MAP3K13: variants seen among roughly 807,000 people sequenced by gnomAD.
The protein encoded by MAP3K13 is mitogen-activated protein kinase kinase kinase 13, also known as leucine zipper-bearing kinase.
In MAP3K13, 52 loss-of-function variants were observed where a neutral mutation model predicts 104.0. The observed-to-expected ratio is 0.50, with a 90% CI of 0.40 to 0.63. The LOEUF is 0.63. Ranked by LOEUF, MAP3K13 falls within the 20% of genes least tolerant of loss-of-function variation. The pLI is 0.00. For missense variants in MAP3K13, 914 were observed against 1,218.5 expected (o/e 0.75, Z 3.72); for synonymous variants, 394 against 442.2 (o/e 0.89, Z 1.37).
chr3:185,334,677 C>G (rs953598194), intron 2 of MAP3K13, among the ~76,000 whole-genome samples: 2 of 151,344 alleles, frequency 1.3e-5, no homozygotes, highest in African/African-American at 4.9e-5. Context: ...GTGGTGCCAT[C>G]TCGGCTCACT....
chr3:185,290,622 G>A (rs1227450677), intron 2 of MAP3K13, among the ~76,000 whole-genome samples: 5 of 152,224 alleles, frequency 3.3e-5, no homozygotes, highest in African/African-American at 9.6e-5. Flanking sequence ...TTTGAATCCT[G>A]TCTCTACTAT....
At chr3:185,324,805 A>G (rs1721992464) in intron 2 of MAP3K13, among the ~76,000 whole-genome samples, 1 of 77,178 alleles carries the variant, frequency 1.3e-5, no homozygotes, top group Admixed American at 1.3e-4. Context: ...GAACCGGCAC[A>G]ATTAAAAAAA....
intron 1 of MAP3K13, chr3:185,417,492 A>T: frequency 1.9e-6 from 3 of 1,585,296 alleles, no homozygotes; most frequent in Non-Finnish European, 2.6e-6. Flanking sequence ...CAAATTTAAG[A>T]GTTTATGCAG....
Position 185,485,752 on chromosome 3 carries a change from T to A in MAP3K13, c.*3296T>A, listed in dbSNP as rs1718687013. ...AAAAAAAACATAGTATATATAGGGTTTGGTACTATCAGAGTTTTTAGGCAT... is the reference window on the plus strand; with the variant it reads ...AAAAAAAACATAGTATATATAGGGTATGGTACTATCAGAGTTTTTAGGCAT... On this transcript the variant is annotated 3_prime_UTR_variant, in exon 14 of 14. Transcript: ENST00000265026. The A allele has an allele frequency of 6.6e-6, 1 of 152,160 alleles. No homozygotes were observed. Among genetic ancestry groups the A allele is most frequent in the East Asian group, 1.9e-4 (1 of 5,202 alleles). 9.4% of individuals were successfully genotyped at this position (152,160 alleles called of 1,614,324 possible). A position where few individuals can be genotyped will look rare whatever the true frequency, so the allele number is the denominator to read the frequency against.
At chr3:185,478,815 T>C (rs1485295070) in intron 12 of MAP3K13, among the ~76,000 whole-genome samples, 1 of 149,318 alleles carries the variant, frequency 6.7e-6, no homozygotes, top group Non-Finnish European at 1.5e-5. Context: ...CAGGTTGCAA[T>C]GAGGCGAGAT....
chr3:185,388,331 G>T (rs536601483), intron 1 of MAP3K13, among the ~76,000 whole-genome samples: 5 of 151,894 alleles, frequency 3.3e-5, no homozygotes, highest in African/African-American at 9.7e-5. Flanking sequence ...GCAAAATTTT[G>T]TCTCTACAAA....
intron 1 of MAP3K13, among the ~76,000 whole-genome samples, chr3:185,391,607 CATG>C (rs1712055969): frequency 6.6e-6 from 1 of 152,196 alleles, no homozygotes; most frequent in African/African-American, 2.4e-5. Context: ...TTCTAAAACT[CATG>C]ATATTACTTG....
chr3:185,300,046 A>C (rs1289698890), intron 2 of MAP3K13, among the ~76,000 whole-genome samples: 1 of 152,066 alleles, frequency 6.6e-6, no homozygotes, highest in Non-Finnish European at 1.5e-5. Context: ...TCTACTTCCC[A>C]TTTCTAAGAG....
intron 1 of MAP3K13, among the ~76,000 whole-genome samples, chr3:185,374,693 G>A (rs180695524): frequency 2.0e-5 from 3 of 151,928 alleles, no homozygotes; most frequent in East Asian, 3.9e-4. Flanking sequence ...TTTTAATGTC[G>A]TCATATACCA....
At chr3:185,467,923 T>A (rs1486368161) in intron 10 of MAP3K13, among the ~76,000 whole-genome samples, 2 of 151,684 alleles carry the variant, frequency 1.3e-5, no homozygotes, top group African/African-American at 4.8e-5. Context: ...AAACTTATAA[T>A]CATGGTGAAA....
chr3:185,388,031 A>C (rs1711798168), intron 1 of MAP3K13, among the ~76,000 whole-genome samples: 1 of 152,098 alleles, frequency 6.6e-6, no homozygotes. Flanking sequence ...TTTAAAAATC[A>C]GTGCACAAAA....
At chr3:185,356,559 C>T (rs891805023) in intron 2 of MAP3K13, among the ~76,000 whole-genome samples, 5 of 152,126 alleles carry the variant, frequency 3.3e-5, no homozygotes, top group Admixed American at 6.6e-5. Flanking sequence ...TGGATGGAGA[C>T]GACAGCCCTC....
rs116479172 is a variant in MAP3K13 at position 185,431,842 on chromosome 3, G to A, written c.475+2786G>A. Among the ~76,000 whole-genome samples the A allele has an allele frequency of 5.9e-3, 899 of 152,184 alleles. 8 individuals carry two copies. Among genetic ancestry groups the A allele is most frequent in the African/African-American group, 0.02 (836 of 41,514 alleles). ...TACCTGTTTTCCATAACTATATTGG[G>A]ATTACTGGTATATCTATCACTTCCA... On this transcript the variant is annotated intron_variant, in intron 2 of 13. Transcript: ENST00000265026.
At chr3:185,468,552 G>C (rs1434763447) in intron 10 of MAP3K13, among the ~76,000 whole-genome samples, 1 of 152,186 alleles carries the variant, frequency 6.6e-6, no homozygotes, top group Non-Finnish European at 1.5e-5. Context: ...CCTAAACCTA[G>C]GGTATAGACC....
chr3:185,302,687 A>G (rs977088709), intron 2 of MAP3K13, among the ~76,000 whole-genome samples: 1 of 152,130 alleles, frequency 6.6e-6, no homozygotes, highest in Non-Finnish European at 1.5e-5. Context: ...TGTATTCTGA[A>G]TCATTGATTT....
At chr3:185,320,168 C>T (rs1456060100) in intron 2 of MAP3K13, among the ~76,000 whole-genome samples, 1 of 151,610 alleles carries the variant, frequency 6.6e-6, no homozygotes, top group Non-Finnish European at 1.5e-5. Context: ...GCAACCTCCA[C>T]CTCCCGGATT....
intron 7 of MAP3K13, among the ~76,000 whole-genome samples, chr3:185,452,071 A>T (rs1469585744): frequency 6.6e-6 from 1 of 152,168 alleles, no homozygotes; most frequent in Non-Finnish European, 1.5e-5. Context: ...GCTGAAGTAC[A>T]GACGTGGGAG....
chr3:185,464,287 CA>C (rs1717282650), intron 8 of MAP3K13, among the ~76,000 whole-genome samples: 1 of 151,788 alleles, frequency 6.6e-6, no homozygotes, highest in South Asian at 2.1e-4. Flanking sequence ...GATTCTGTCT[CA>C]AAAAAAGAGA....
chr3:185,436,416 T>C (rs1039116344), intron 2 of MAP3K13, among the ~76,000 whole-genome samples: 3 of 152,160 alleles, frequency 2.0e-5, no homozygotes, highest in African/African-American at 7.2e-5. Context: ...GGCAATGTCA[T>C]ATAGGAGAGA....
Sources: allele counts gnomAD v4.1 joint callset (sites outside exome capture counted in the v4.1 genomes callset), GRCh38; gene constraint gnomAD v4.1.1; transcripts MANE v1.5; gene names NCBI Gene and HGNC (gene_info 2026-07-23, HGNC 2026-07-21).